Variants in NUMB observed in about 807,000 individuals in gnomAD.
The protein encoded by NUMB is NUMB endocytic adaptor protein, also known as protein numb homolog.
A neutral mutation model predicts 59.7 loss-of-function variants in NUMB; 29 were observed. The ratio of observed to expected loss-of-function variants is 0.49; its 90% CI spans 0.36 to 0.66. The LOEUF is 0.66. Ranked by LOEUF, NUMB falls within the 30% of genes least tolerant of loss-of-function variation. The pLI is 0.00. For missense variants in NUMB, 723 were observed against 822.0 expected, an observed-to-expected ratio of 0.88 and a Z score of 1.47; for synonymous variants, 288 against 288.2, an observed-to-expected ratio of 1.00 and a Z score of 0.01.
At chr14:73,379,763 GTT>G (rs1895140355) in intron 2 of NUMB, among the ~76,000 whole-genome samples, 1 of 152,142 alleles carries the variant, frequency 6.6e-6, no homozygotes, top group South Asian at 2.1e-4. Context: ...AAGTTGCAGT[GTT>G]AGAGGAATAA....
chr14:73,297,283 A>G lies in NUMB; in HGVS notation c.237T>C (p.Thr79=). 1 of 1,604,156 alleles carries G rather than the reference A, an allele frequency of 6.2e-7. No individual in the cohort carries two copies. The highest frequency in any genetic ancestry group is 8.5e-7 in the Non-Finnish European group (1 of 1,171,342). ...GAACTGCTTTAACTGCTTTCTTTCCAGTCTTTTAAGAGAAACCAAAAAGGG... is the reference window on the plus strand; with the variant it reads ...GAACTGCTTTAACTGCTTTCTTTCCGGTCTTTTAAGAGAAACCAAAAAGGG... The part of the protein sequence containing the change: ...RKFFKGFFGK[T]GKKAVKAVLW... The change falls in exon 7 of 13, where the codon ACT becomes ACC. Residue 79 remains threonine (T), a splice_region_variant and synonymous_variant. Coordinates refer to ENST00000555238, the MANE Select transcript of NUMB (RefSeq NM_001005743.2).
At chr14:73,348,517 A>G (rs978923934) in intron 4 of NUMB, among the ~76,000 whole-genome samples, 1 of 152,232 alleles carries the variant, frequency 6.6e-6, no homozygotes, top group Non-Finnish European at 1.5e-5. Context: ...TCCACCTCCT[A>G]TCTCATCAGT....
At chr14:73,432,742 G>A (rs1424605830) in intron 1 of NUMB, among the ~76,000 whole-genome samples, 1 of 152,162 alleles carries the variant, frequency 6.6e-6, no homozygotes, top group Non-Finnish European at 1.5e-5. Flanking sequence ...AAGGTATGGT[G>A]AAGGACATGG....
intron 2 of NUMB, among the ~76,000 whole-genome samples, chr14:73,386,887 T>A (rs1218345750): frequency 1.1e-5 from 1 of 91,636 alleles, no homozygotes; most frequent in African/African-American, 4.0e-5. Flanking sequence ...TTTTTTTTTT[T>A]TTTTTTTTTT....
Position 73,389,207 on chromosome 14 carries a change from G to A in NUMB, c.-101+20730C>T, listed in dbSNP as rs375275671. 7.0e-3 allele frequency among the ~76,000 whole-genome samples: 951 copies of A among 136,566 alleles called. 3 individuals carry two copies. Among genetic ancestry groups the A allele is most frequent in the South Asian group, 0.029 (122 of 4,210 alleles). The allele number at this position is 136,566 out of a possible 152,430, so 89.6% of individuals were successfully genotyped here. A position where few individuals can be genotyped will look rare whatever the true frequency, so the allele number is the denominator to read the frequency against. ...AATCGTTTGAACCCGGGAGTCTGAG[G>A]TTGCAGTGAGCCAAGATTGCGCCAC... On this transcript the variant is annotated intron_variant, in intron 2 of 12. Transcript: ENST00000555238.
chr14:73,371,310 G>T (rs1056524440), intron 2 of NUMB, among the ~76,000 whole-genome samples: 1 of 152,040 alleles, frequency 6.6e-6, no homozygotes, highest in Non-Finnish European at 1.5e-5. Flanking sequence ...CCCGAGGTGG[G>T]TGGATCACAA....
chr14:73,363,545 T>C (rs1894189023), intron 3 of NUMB, among the ~76,000 whole-genome samples: 1 of 152,090 alleles, frequency 6.6e-6, no homozygotes, highest in Non-Finnish European at 1.5e-5. Flanking sequence ...GGGAAAAAAA[T>C]AGTTTCTAAC....
chr14:73,420,258 C>G (rs750482697), intron 1 of NUMB, among the ~76,000 whole-genome samples: 62 of 152,220 alleles, frequency 4.1e-4, no homozygotes, highest in Admixed American at 1.1e-3. Flanking sequence ...ACGTTGTCGT[C>G]TGACACAATC....
intron 4 of NUMB, among the ~76,000 whole-genome samples, chr14:73,352,903 G>A (rs983116351): frequency 4.0e-5 from 6 of 151,006 alleles, no homozygotes; most frequent in Admixed American, 1.3e-4. Flanking sequence ...CAAGAAGACT[G>A]TAAAATCCAC....
chr14:73,397,756 T>C (rs975939236), intron 2 of NUMB, among the ~76,000 whole-genome samples: 1 of 152,218 alleles, frequency 6.6e-6, no homozygotes, highest in African/African-American at 2.4e-5. Flanking sequence ...TCATTAAATA[T>C]TCACACACAT....
chr14:73,450,242 T>C (rs191982324), intron 1 of NUMB, among the ~76,000 whole-genome samples: 1 of 152,372 alleles, frequency 6.6e-6, no homozygotes, highest in African/African-American at 2.4e-5. Context: ...CTCCATTTTA[T>C]GGATGACGAA....
At chr14:73,290,633 C>A (rs1352454754) in intron 8 of NUMB, among the ~76,000 whole-genome samples, 1 of 152,226 alleles carries the variant, frequency 6.6e-6, no homozygotes, top group Non-Finnish European at 1.5e-5. Context: ...TGACCTGTAA[C>A]CTTCACGAAT....
intron 8 of NUMB, among the ~76,000 whole-genome samples, chr14:73,292,465 AT>A (rs1432873188): frequency 6.6e-6 from 1 of 152,242 alleles, no homozygotes; most frequent in East Asian, 1.9e-4. Flanking sequence ...AAAGTTTCAA[AT>A]AAAGTTTAGC....
intron 2 of NUMB, among the ~76,000 whole-genome samples, chr14:73,367,377 A>C (rs1894417799): frequency 6.7e-6 from 1 of 150,072 alleles, no homozygotes; most frequent in Non-Finnish European, 1.5e-5. Flanking sequence ...AGAGAGAGAC[A>C]AATAGGATAT....
In NUMB at chr14:73,346,626, C is replaced by T. The variant is rs548699563; in HGVS notation, c.126+9000G>A. ...TATACACAGTGAAGATGAAACCAGC[C>T]GCAGTTGCACTTTATTATGGCTAGT... On this transcript the variant is annotated intron_variant, in intron 4 of 12. Transcript: ENST00000555238. 8.5e-5 allele frequency among the ~76,000 whole-genome samples: 13 copies of T among 152,224 alleles called. 3 individuals carry two copies. The Middle Eastern group carries it at 0.037, about 438-fold the overall frequency.
At chr14:73,334,422 A>G (rs909924341) in intron 4 of NUMB, among the ~76,000 whole-genome samples, 7 of 152,062 alleles carry the variant, frequency 4.6e-5, no homozygotes, top group African/African-American at 1.7e-4. Flanking sequence ...TTATTTTCCT[A>G]TATACTCTGG....
chr14:73,395,338 G>GT (rs1339287218), intron 2 of NUMB, among the ~76,000 whole-genome samples: 1 of 151,940 alleles, frequency 6.6e-6, no homozygotes, highest in Non-Finnish European at 1.5e-5. Flanking sequence ...TAAAGGGGTG[G>GT]TGGGCTGGGC....
At chr14:73,331,883 T>C (rs1054455697) in intron 4 of NUMB, among the ~76,000 whole-genome samples, 1 of 152,188 alleles carries the variant, frequency 6.6e-6, no homozygotes, top group African/African-American at 2.4e-5. Context: ...CTCTTTTCTT[T>C]ATAAATTACC....
chr14:73,432,912 A>G (rs139706877), intron 1 of NUMB, among the ~76,000 whole-genome samples: 1 of 152,196 alleles, frequency 6.6e-6, no homozygotes, highest in Non-Finnish European at 1.5e-5. Flanking sequence ...GAAAGAAAGA[A>G]GAGAATTTTT....
Sources: allele counts gnomAD v4.1 joint callset (sites outside exome capture counted in the v4.1 genomes callset), GRCh38; gene constraint gnomAD v4.1.1; transcripts MANE v1.5; gene names NCBI Gene and HGNC (gene_info 2026-07-23, HGNC 2026-07-21).